MCTP2: variants seen among roughly 807,000 people sequenced by gnomAD.
MCTP2 encodes multiple C2 and transmembrane domain-containing protein 2.
MCTP2 carries 132 observed loss-of-function variants against 111.6 expected under a neutral mutation model. The observed-to-expected ratio is 1.18, with a 90% CI of 1.03 to 1.37. The LOEUF is 1.37. MCTP2 is among the 40% of genes most tolerant of loss of function. The pLI, the probability that MCTP2 is intolerant of heterozygous loss-of-function variation, is 0.00. For synonymous variants in MCTP2, 395 were observed against 387.7 expected, an observed-to-expected ratio of 1.02 and a Z score of -0.22; for missense variants, 1,183 against 1,067.9, an observed-to-expected ratio of 1.11 and a Z score of -1.50.
intron 19 of MCTP2, among the ~76,000 whole-genome samples, chr15:94,453,220 T>C (rs545741506): frequency 6.6e-6 from 1 of 152,224 alleles, no homozygotes; most frequent in Non-Finnish European, 1.5e-5. Context: ...ATGAGATGCA[T>C]GCACTGTGAC....
intron 17 of MCTP2, among the ~76,000 whole-genome samples, chr15:94,420,927 A>G (rs2082597460): frequency 6.6e-6 from 1 of 152,194 alleles, no homozygotes; most frequent in Non-Finnish European, 1.5e-5. Flanking sequence ...TATGAAAGCA[A>G]GAGTCAATTG....
At chr15:94,285,237 G>A (rs4984343) in intron 1 of MCTP2, among the ~76,000 whole-genome samples, 70,071 of 152,020 alleles carry the variant, frequency 0.46, 16,248 homozygotes, top group East Asian at 0.61. Flanking sequence ...TTCCACCAGG[G>A]AAGTTCCTTA....
intron 1 of MCTP2, among the ~76,000 whole-genome samples, chr15:94,247,147 G>A (rs910874033): frequency 6.6e-6 from 1 of 151,858 alleles, no homozygotes; most frequent in Non-Finnish European, 1.5e-5. Flanking sequence ...GTGTGTGCGT[G>A]TGTGTGCGCG....
At chr15:94,235,870 G>A (rs117977940) in intron 1 of MCTP2, among the ~76,000 whole-genome samples, 169 of 152,360 alleles carry the variant, frequency 1.1e-3, no homozygotes, top group Non-Finnish European at 2.0e-3. Context: ...CATTGGCCAA[G>A]AGGCAGGCCT....
At chr15:94,392,493 ATATATAT>A (rs1200946226) in intron 14 of MCTP2, among the ~76,000 whole-genome samples, 3 of 152,042 alleles carry the variant, frequency 2.0e-5, no homozygotes, top group African/African-American at 4.8e-5. Flanking sequence ...TTGTCAAATG[ATATATAT>A]TATGTATTCA....
At chr15:94,330,592 A>G (rs1053949701) in intron 4 of MCTP2, among the ~76,000 whole-genome samples, 2 of 149,834 alleles carry the variant, frequency 1.3e-5, no homozygotes, top group African/African-American at 2.5e-5. Context: ...CCTTTTTTCT[A>G]TGTTGTCATT....
intron 4 of MCTP2, among the ~76,000 whole-genome samples, chr15:94,324,073 G>A (rs1370086174): frequency 6.6e-6 from 1 of 152,150 alleles, no homozygotes; most frequent in African/African-American, 2.4e-5. Context: ...GTGAGCAATC[G>A]CCTTTAATTC....
chr15:94,404,528 C>T (rs962238352), intron 17 of MCTP2, among the ~76,000 whole-genome samples: 9 of 152,018 alleles, frequency 5.9e-5, no homozygotes, highest in East Asian at 3.9e-4. Flanking sequence ...TCTTGAACCT[C>T]GACCTTGTGA....
intron 4 of MCTP2, among the ~76,000 whole-genome samples, chr15:94,327,343 G>C (rs1050616013): frequency 4.6e-5 from 7 of 152,154 alleles, no homozygotes; most frequent in African/African-American, 1.7e-4. Flanking sequence ...TTTTCGTAAT[G>C]ATGTGACGGT....
intron 17 of MCTP2, among the ~76,000 whole-genome samples, chr15:94,439,827 G>A (rs770094180): frequency 6.6e-6 from 1 of 152,176 alleles, no homozygotes; most frequent in Non-Finnish European, 1.5e-5. Flanking sequence ...GCTCTTTCCT[G>A]TTCAAATAAA....
rs967947155 is a variant in MCTP2 at position 94,479,610 on chromosome 15, G to A, written c.*576G>A. On this transcript the variant is annotated 3_prime_UTR_variant, in exon 23 of 23. Coordinates refer to ENST00000357742, the MANE Select transcript of MCTP2 (RefSeq NM_001385001.1). ...GGATCTTTCAGCCATGATTATTAAGGATATGTATGTGAATTTTTGGGAAAC... is the reference window on the plus strand; with the variant it reads ...GGATCTTTCAGCCATGATTATTAAGAATATGTATGTGAATTTTTGGGAAAC... 2.6e-5 allele frequency: 4 copies of A among 152,318 alleles called. No homozygotes were observed. The highest frequency in any genetic ancestry group is 9.7e-5 in the African/African-American group (4 of 41,332). 9.4% of individuals were successfully genotyped at this position (152,318 alleles called of 1,614,324 possible). A position where few individuals can be genotyped will look rare whatever the true frequency, so the allele number is the denominator to read the frequency against.
intron 1 of MCTP2, chr15:94,278,395 T>G (rs1359468509): frequency 6.6e-6 from 1 of 152,170 alleles, no homozygotes; most frequent in Non-Finnish European, 1.5e-5. Context: ...GGTTGGTCTT[T>G]GCAGTAAAGG....
At chr15:94,314,636 G>A in intron 3 of MCTP2, 1 of 519,532 alleles carries the variant, frequency 1.9e-6, no homozygotes, top group East Asian at 4.1e-5. Context: ...TTCAAAAGAA[G>A]GCTGTCAAGG....
intron 12 of MCTP2, among the ~76,000 whole-genome samples, chr15:94,380,474 G>A (rs1227663069): frequency 2.6e-5 from 4 of 152,034 alleles, no homozygotes; most frequent in Non-Finnish European, 4.4e-5. Context: ...CTTAATAAAC[G>A]GTTATCAAAT....
intron 4 of MCTP2, among the ~76,000 whole-genome samples, chr15:94,322,225 A>G (rs1285272953): frequency 6.6e-6 from 1 of 152,156 alleles, no homozygotes; most frequent in African/African-American, 2.4e-5. Flanking sequence ...AGTTATTCAA[A>G]TGTGTTGCAA....
intron 1 of MCTP2, among the ~76,000 whole-genome samples, chr15:94,283,888 A>C (rs572491102): frequency 1.3e-5 from 2 of 152,242 alleles, no homozygotes; most frequent in South Asian, 4.1e-4. Flanking sequence ...GAACTCACCA[A>C]ATTTTCTTTT....
At chr15:94,441,147 G>C (rs2083760025) in intron 18 of MCTP2, among the ~76,000 whole-genome samples, 1 of 152,134 alleles carries the variant, frequency 6.6e-6, no homozygotes, top group Non-Finnish European at 1.5e-5. Context: ...AACCCTGACT[G>C]TTTTTATTTT....
At chr15:94,468,333 T>A (rs1596832343) in intron 20 of MCTP2, among the ~76,000 whole-genome samples, 2 of 152,198 alleles carry the variant, frequency 1.3e-5, no homozygotes, top group East Asian at 3.9e-4. Flanking sequence ...GACTGGAAAT[T>A]ATGGTTCAGA....
At chr15:94,293,691 A>G (rs1418331682) in intron 1 of MCTP2, among the ~76,000 whole-genome samples, 1 of 152,214 alleles carries the variant, frequency 6.6e-6, no homozygotes, top group African/African-American at 2.4e-5. Context: ...TAGAATGGCT[A>G]AAATTAAAAG....
Sources: gnomAD v4.1 joint callset for allele counts (sites outside exome capture counted in the v4.1 genomes callset) on GRCh38, gnomAD v4.1.1 for gene constraint, MANE v1.5 for transcripts, NCBI Gene and HGNC (gene_info 2026-07-23, HGNC 2026-07-21) for gene names.